PDE4D: variants seen among roughly 807,000 people sequenced by gnomAD.
The protein encoded by PDE4D is 3',5'-cyclic-AMP phosphodiesterase 4D.
Under a neutral mutation model 87.4 loss-of-function variants are expected in PDE4D, and 24 were observed. The observed-to-expected ratio is 0.27, with a 90% CI of 0.20 to 0.39. The LOEUF is 0.39. Among genes scored for constraint, PDE4D ranks in the 10% least tolerant of loss-of-function variants. PDE4D has a pLI of 1.00. For missense variants in PDE4D, 714 were observed against 1,041.0 expected, an observed-to-expected ratio of 0.69 and a Z score of 4.32; for synonymous variants, 384 against 383.2, an observed-to-expected ratio of 1.00 and a Z score of -0.02.
At chr5:60,325,839 A>G (rs948271743) in intron 1 of PDE4D, among the ~76,000 whole-genome samples, 2 of 151,092 alleles carry the variant, frequency 1.3e-5, no homozygotes, top group Non-Finnish European at 3.0e-5. Context: ...ATCCCTAGCA[A>G]CTACTAATCT....
chr5:59,244,439 T>C (rs1337115946), intron 1 of PDE4D, among the ~76,000 whole-genome samples: 3 of 129,680 alleles, frequency 2.3e-5, no homozygotes, highest in African/African-American at 9.3e-5. Flanking sequence ...AAATAATATA[T>C]GTATACACAC....
chr5:59,213,912 C>T (rs1482838268), intron 2 of PDE4D, among the ~76,000 whole-genome samples: 1 of 151,954 alleles, frequency 6.6e-6, no homozygotes, highest in Non-Finnish European at 1.5e-5. Flanking sequence ...CTACTCTCTG[C>T]CCTTTGTTCC....
intron 2 of PDE4D, among the ~76,000 whole-genome samples, chr5:60,149,663 C>T (rs1381669284): frequency 6.6e-6 from 1 of 151,726 alleles, no homozygotes. Context: ...TCAGTAGATC[C>T]TATGTTCTGG....
At chr5:59,957,993 T>C (rs1305533293) in intron 3 of PDE4D, among the ~76,000 whole-genome samples, 6 of 152,174 alleles carry the variant, frequency 3.9e-5, no homozygotes, top group Non-Finnish European at 8.8e-5. Flanking sequence ...GAATGCTTTT[T>C]TGAAGTACAT....
chr5:60,340,157 C>T (rs962746636), intron 1 of PDE4D, among the ~76,000 whole-genome samples: 2 of 151,506 alleles, frequency 1.3e-5, no homozygotes, highest in African/African-American at 4.8e-5. Flanking sequence ...TCCGGGCCCA[C>T]GGCGCGATGT....
rs1013875741 is a variant in PDE4D at position 59,968,280 on chromosome 5, G to A, written c.272+20208C>T. 2.4e-4 allele frequency among the ~76,000 whole-genome samples: 37 copies of A among 152,012 alleles called. 1 individual carries two copies. The highest frequency in any genetic ancestry group is 7.7e-4 in the African/African-American group (32 of 41,456). ...ATTACAGGTGTGAGCCACTGCGCCCGGCCCACTGGGTGCCATATTCTTAAG... is the reference window on the plus strand; with the variant it reads ...ATTACAGGTGTGAGCCACTGCGCCCAGCCCACTGGGTGCCATATTCTTAAG... On this transcript the variant is annotated intron_variant, in intron 3 of 16. Coordinates refer to the PDE4D transcript ENST00000502484.
chr5:59,837,595 C>T (rs961061542), intron 1 of PDE4D, among the ~76,000 whole-genome samples: 1 of 152,084 alleles, frequency 6.6e-6, no homozygotes, highest in Non-Finnish European at 1.5e-5. Context: ...CCCTCAGCAA[C>T]TAGCAGGATG....
chr5:59,399,263 T>C (rs71626184), intron 1 of PDE4D, among the ~76,000 whole-genome samples: 3,695 of 127,892 alleles, frequency 0.029, 99 homozygotes, highest in African/African-American at 0.11. Flanking sequence ...AAAAAGAGCC[T>C]GCATCACCAA....
chr5:59,631,610 G>A (rs1831569389), intron 1 of PDE4D, among the ~76,000 whole-genome samples: 1 of 152,072 alleles, frequency 6.6e-6, no homozygotes, highest in African/African-American at 2.4e-5. Context: ...GCAGAAGCAG[G>A]GTGGGGCGTC....
chr5:59,853,068 T>G (rs1335361017), intron 1 of PDE4D, among the ~76,000 whole-genome samples: 1 of 152,020 alleles, frequency 6.6e-6, no homozygotes, highest in Admixed American at 6.6e-5. Flanking sequence ...TTATATGTCT[T>G]GTACAAAAAC....
intron 1 of PDE4D, among the ~76,000 whole-genome samples, chr5:59,564,966 G>A (rs1220324494): frequency 2.0e-5 from 3 of 152,260 alleles, no homozygotes; most frequent in Non-Finnish European, 4.4e-5. Flanking sequence ...AAGGGGTTGG[G>A]GGACACATTC....
chr5:59,268,504 A>G (rs1025643609), intron 1 of PDE4D, among the ~76,000 whole-genome samples: 7 of 151,970 alleles, frequency 4.6e-5, no homozygotes, highest in Admixed American at 1.3e-4. Flanking sequence ...AGCCCTTCCC[A>G]TAGGCACCAA....
chr5:59,756,535 C>CACACACACACACAG lies in PDE4D; in HGVS notation c.455+136632_455+136633insCTGTGTGTGTGTGT, dbSNP rs1355152924. On this transcript the variant is annotated intron_variant, in intron 1 of 14. Coordinates refer to ENST00000340635, the MANE Select transcript of PDE4D (RefSeq NM_001104631.2). ...ACACACACACACACACACACACACA[C>CACACACACACACAG]AGAGACACACACTGAGTCATGGTGA... Among the ~76,000 whole-genome samples, 302 of 150,084 alleles carry CACACACACACACAG rather than the reference C, an allele frequency of 2.0e-3. 3 individuals carry two copies. Among genetic ancestry groups the CACACACACACACAG allele is most frequent in the African/African-American group, 7.2e-3 (291 of 40,316 alleles).
At chr5:59,117,866 G>T (rs1773875246) in intron 5 of PDE4D, among the ~76,000 whole-genome samples, 1 of 151,364 alleles carries the variant, frequency 6.6e-6, no homozygotes, top group African/African-American at 2.4e-5. Flanking sequence ...AGGAGAACTG[G>T]CTTGCTAGCA....
At chr5:60,369,866 T>C (rs537137082) in intron 1 of PDE4D, among the ~76,000 whole-genome samples, 3 of 152,290 alleles carry the variant, frequency 2.0e-5, no homozygotes, top group Non-Finnish European at 4.4e-5. Flanking sequence ...TCGAGGTCAT[T>C]CTGTGAGTGA....
intron 1 of PDE4D, among the ~76,000 whole-genome samples, chr5:59,542,724 T>C (rs972135038): frequency 1.3e-5 from 2 of 152,152 alleles, no homozygotes; most frequent in Non-Finnish European, 2.9e-5. Flanking sequence ...GAAAAACATA[T>C]AATCAATTCA....
chr5:59,557,158 C>T (rs566594815), intron 1 of PDE4D, among the ~76,000 whole-genome samples: 2 of 152,266 alleles, frequency 1.3e-5, no homozygotes, highest in South Asian at 2.1e-4. Flanking sequence ...CAAGAGTAAA[C>T]ATATGCCATA....
intron 1 of PDE4D, among the ~76,000 whole-genome samples, chr5:59,438,615 A>G (rs1432010748): frequency 6.6e-6 from 1 of 152,172 alleles, no homozygotes; most frequent in Non-Finnish European, 1.5e-5. Flanking sequence ...CTTTTGCAAT[A>G]TTATTGCTTG....
intron 1 of PDE4D, among the ~76,000 whole-genome samples, chr5:60,466,520 AT>A (rs1229697609): frequency 1.3e-5 from 2 of 152,244 alleles, no homozygotes; most frequent in African/African-American, 2.4e-5. Context: ...ATGTTTAAAA[AT>A]AAATGTCTGG....
Sources: gnomAD v4.1 joint callset for allele counts (sites outside exome capture counted in the v4.1 genomes callset) on GRCh38, gnomAD v4.1.1 for gene constraint, MANE v1.5 for transcripts, NCBI Gene and HGNC (gene_info 2026-07-23, HGNC 2026-07-21) for gene names.